Variants in TRANK1 observed in about 807,000 individuals in gnomAD.
The protein encoded by TRANK1 is TPR and ankyrin repeat-containing protein 1.
Under a neutral mutation model 266.0 loss-of-function variants are expected in TRANK1, and 198 were observed. That is an observed-to-expected ratio of 0.74 (90% CI 0.66 to 0.84). TRANK1 has a LOEUF of 0.84. Among genes scored for constraint, TRANK1 ranks in the 40% least tolerant of loss-of-function variants. TRANK1 has a pLI of 0.00. For missense variants in TRANK1, 3,326 were observed against 3,634.6 expected (o/e 0.92, Z 2.18); for synonymous variants, 1,396 against 1,384.1 (o/e 1.01, Z -0.19).
intron 3 of TRANK1, among the ~76,000 whole-genome samples, chr3:36,900,122 C>T (rs2079853689): frequency 6.6e-6 from 1 of 152,140 alleles, no homozygotes; most frequent in South Asian, 2.1e-4. Flanking sequence ...GCCTCCCAAA[C>T]TGCTGGGATT....
chr3:36,851,256 A>T (rs990502239), intron 15 of TRANK1: 2 of 986,530 alleles, frequency 2.0e-6, no homozygotes, highest in Non-Finnish European at 2.4e-6. Context: ...TGTCCCCCAC[A>T]TTACCTGATC....
At position 36,831,236 on chromosome 3, in the gene TRANK1, A is replaced by T. The variant is rs2078689302; in HGVS notation, c.8347T>A (p.Tyr2783Asn). Residue 2783 changes from tyrosine (Y) to asparagine (N), a missense_variant, in exon 22 of 24, where the codon TAT becomes AAT. Transcript: ENST00000645898. The surrounding 1 kb of genome is among the most constrained non-coding windows in gnomAD (Gnocchi z 5.0). ...GVKFTRGPEN[Y>N]FSPSKAFEGA... The stretch of plus-strand genomic sequence containing the variant: ...TCAAACGCTTTGCTGGGGCTGAAAT[A>T]GTTCTCTGGGCCACGGGTAAACTTC... The T allele has an allele frequency of 6.2e-7, 1 of 1,613,542 alleles. No homozygotes were observed. The highest frequency in any genetic ancestry group is 8.5e-7 in the Non-Finnish European group (1 of 1,179,858).
At chr3:36,934,494 G>A (rs1340546636) in intron 1 of TRANK1, among the ~76,000 whole-genome samples, 1 of 152,132 alleles carries the variant, frequency 6.6e-6, no homozygotes, top group Non-Finnish European at 1.5e-5. Flanking sequence ...AGGGAAGCAA[G>A]GAAAAGTGAC....
Position 36,856,839 on chromosome 3 carries a change from G to A in TRANK1, c.2883C>T (p.Ala961=), listed in dbSNP as rs1026076209. 26 of 1,613,908 alleles carry A rather than the reference G, an allele frequency of 1.6e-5. No individual in the cohort carries two copies. The highest frequency in any genetic ancestry group is 2.7e-5 in the African/African-American group (2 of 74,934). ...LADSIKAICN[A]YNRGLSCVLR... ...GGACACAGGACAAGCCCCGGTTGTA[G>A]GCATTGCAGATGGCCTTGATGGAAT... The change falls in exon 13 of 24, where the codon GCC becomes GCT. Residue 961 remains alanine, a synonymous_variant. Transcript: ENST00000645898.
intron 14 of TRANK1, 42 bp downstream of exon 14, chr3:36,852,104 A>G: frequency 6.5e-7 from 1 of 1,532,438 alleles, no homozygotes; most frequent in Non-Finnish European, 8.7e-7. Context: ...TTCAATTGCA[A>G]ACTGTCTTTT....
At chr3:36,926,535 C>T (rs2080291125) in intron 1 of TRANK1, among the ~76,000 whole-genome samples, 1 of 152,190 alleles carries the variant, frequency 6.6e-6, no homozygotes, top group Non-Finnish European at 1.5e-5. Context: ...ATAGGGAAGG[C>T]ACCAGAAATG....
At chr3:36,870,069 A>T (rs537716827) in intron 9 of TRANK1, among the ~76,000 whole-genome samples, 2 of 152,384 alleles carry the variant, frequency 1.3e-5, no homozygotes, top group Admixed American at 1.3e-4. Flanking sequence ...TTCAAAGATC[A>T]TCACCTATAG....
At chr3:36,860,575 G>C (rs1000184508) in intron 11 of TRANK1, among the ~76,000 whole-genome samples, 1 of 152,200 alleles carries the variant, frequency 6.6e-6, no homozygotes, top group Non-Finnish European at 1.5e-5. Context: ...TCTAGCCAGA[G>C]GTCAGGAGGA....
rs1354564106 is a variant in TRANK1 at position 36,850,170 on chromosome 3, G to A, written c.4887+1549C>T. 10 of 985,314 alleles carry A rather than the reference G, an allele frequency of 1.0e-5. No individual in the cohort carries two copies. In the Admixed American group the frequency reaches 5.5e-4, roughly 55 times the overall value. 61.0% of individuals were successfully genotyped at this position (985,314 alleles called of 1,614,324 possible). The stretch of plus-strand genomic sequence containing the variant: ...AAGTCTTACCCTTCCTCTTTTAGGA[G>A]AGCCTCAGTCCAACCATGACCGATG... On this transcript the variant is annotated intron_variant, in intron 15 of 23. Coordinates refer to ENST00000645898, the MANE Select transcript of TRANK1 (RefSeq NM_001329998.2).
intron 1 of TRANK1, among the ~76,000 whole-genome samples, chr3:36,919,012 A>G (rs1322483852): frequency 6.6e-6 from 1 of 152,202 alleles, no homozygotes; most frequent in Non-Finnish European, 1.5e-5. Flanking sequence ...AAAAAACTAT[A>G]TTATGCAATA....
chr3:36,910,742 AAAAAT>A (rs772886082), intron 1 of TRANK1, among the ~76,000 whole-genome samples: 54 of 151,096 alleles, frequency 3.6e-4, no homozygotes, highest in African/African-American at 1.2e-3. Flanking sequence ...TCTATCTCCA[AAAAAT>A]AAAATAAAAT....
rs1340845844 is a variant in TRANK1 at position 36,858,797 on chromosome 3, G to A, written c.1593C>T (p.Gly531=). The change falls in exon 12 of 24, where the codon GGC becomes GGT. Residue 531 remains glycine (G), a synonymous_variant. Coordinates refer to ENST00000645898, the MANE Select transcript of TRANK1 (RefSeq NM_001329998.2). ...FELAFLLLTK[G]ADPRAISLTE... is the part of the protein sequence containing the mutation. ...TGAGAGAAATAGCACGGGGGTCTGC[G>A]CCCTTGGTCAAGAGAAGGAAAGCCA... The A allele has an allele frequency of 1.8e-5, 28 of 1,537,116 alleles. No homozygotes were observed. The highest frequency in any genetic ancestry group is 9.8e-5 in the Admixed American group (5 of 50,990).
chr3:36,918,526 A>AAG (rs2080163291), intron 1 of TRANK1, among the ~76,000 whole-genome samples: 3 of 23,484 alleles, frequency 1.3e-4, no homozygotes, highest in Admixed American at 5.3e-4. Flanking sequence ...AAAGAAAGAA[A>AAG]GAAAGAAGGA....
intron 8 of TRANK1, among the ~76,000 whole-genome samples, chr3:36,889,562 T>C (rs895233502): frequency 6.6e-6 from 1 of 152,178 alleles, no homozygotes; most frequent in African/African-American, 2.4e-5. Flanking sequence ...CAGGAGCCCA[T>C]GTTCTTGAAT....
chr3:36,915,015 G>A (rs1261437832), intron 1 of TRANK1, among the ~76,000 whole-genome samples: 5 of 151,906 alleles, frequency 3.3e-5, no homozygotes, highest in African/African-American at 1.2e-4. Flanking sequence ...GCAGTGGCCC[G>A]ATCTCCACTC....
chr3:36,886,273 T>A (rs545070141), intron 8 of TRANK1, among the ~76,000 whole-genome samples: 134 of 151,610 alleles, frequency 8.8e-4, no homozygotes, highest in African/African-American at 3.1e-3. Flanking sequence ...TAACTGGGAC[T>A]ACAGGTGCCC....
At chr3:36,916,280 A>G (rs2080122847) in intron 1 of TRANK1, among the ~76,000 whole-genome samples, 1 of 152,202 alleles carries the variant, frequency 6.6e-6, no homozygotes, top group African/African-American at 2.4e-5. Flanking sequence ...ACAAGATCCA[A>G]TTTGGCCTGG....
chr3:36,859,664 A>G (rs1484814458), intron 11 of TRANK1, among the ~76,000 whole-genome samples: 5 of 152,106 alleles, frequency 3.3e-5, no homozygotes, highest in African/African-American at 4.8e-5. Flanking sequence ...CCCACCCACT[A>G]TAGATCTGCA....
At chr3:36,890,407 A>C (rs1029187330) in intron 7 of TRANK1, among the ~76,000 whole-genome samples, 1 of 152,194 alleles carries the variant, frequency 6.6e-6, no homozygotes, top group Non-Finnish European at 1.5e-5. Context: ...ACCTTGAGGC[A>C]CTGGGGCTGG....
Sources: allele counts gnomAD v4.1 joint callset (sites outside exome capture counted in the v4.1 genomes callset), GRCh38; gene constraint gnomAD v4.1.1; non-coding constraint Gnocchi (gnomAD v3.1); transcripts MANE v1.5; gene names NCBI Gene and HGNC (gene_info 2026-07-23, HGNC 2026-07-21).